Variants in N4BP1 observed in about 807,000 individuals in gnomAD.
The protein encoded by N4BP1 is NEDD4-binding protein 1.
N4BP1 carries 21 observed loss-of-function variants against 70.9 expected under a neutral mutation model. The observed-to-expected ratio is 0.30, with a 90% CI of 0.21 to 0.43. N4BP1 has a LOEUF of 0.43. N4BP1 is among the 20% of genes least tolerant of loss of function. The pLI, the probability that N4BP1 is intolerant of heterozygous loss-of-function variation, is 1.00. For missense variants in N4BP1, 936 were observed against 1,069.4 expected (o/e 0.88, Z 1.74); for synonymous variants, 387 against 394.6 (o/e 0.98, Z 0.23).
intron 1 of N4BP1, among the ~76,000 whole-genome samples, chr16:48,601,431 G>A (rs1964496504): frequency 1.3e-5 from 2 of 151,802 alleles, no homozygotes; most frequent in Admixed American, 1.3e-4. Context: ...GAATTTATGG[G>A]TACAACATCT....
At chr16:48,544,698 A>G (rs1963564564) in intron 6 of N4BP1, among the ~76,000 whole-genome samples, 1 of 152,250 alleles carries the variant, frequency 6.6e-6, no homozygotes, top group South Asian at 2.1e-4. Flanking sequence ...ATTTTCAGAT[A>G]AATATTGAAT....
At chr16:48,598,627 G>A (rs941512544) in intron 1 of N4BP1, among the ~76,000 whole-genome samples, 1 of 152,128 alleles carries the variant, frequency 6.6e-6, no homozygotes, top group Non-Finnish European at 1.5e-5. Flanking sequence ...GCCCCACATT[G>A]GAGAAATTTA....
intron 1 of N4BP1, among the ~76,000 whole-genome samples, chr16:48,602,828 T>C (rs980869974): frequency 6.3e-5 from 8 of 127,376 alleles, no homozygotes; most frequent in African/African-American, 2.5e-4. Flanking sequence ...AATAAATAAA[T>C]AAATAAAAGC....
At chr16:48,554,861 T>C (rs762288195) in intron 2 of N4BP1, among the ~76,000 whole-genome samples, 3 of 152,218 alleles carry the variant, frequency 2.0e-5, no homozygotes, top group Non-Finnish European at 1.5e-5. Context: ...CCCAAGGCCT[T>C]TGATTCTGCT....
chr16:48,588,484 G>T (rs935173137), intron 1 of N4BP1, among the ~76,000 whole-genome samples: 1 of 151,872 alleles, frequency 6.6e-6, no homozygotes, highest in Non-Finnish European at 1.5e-5. Flanking sequence ...TAGTAGAGAC[G>T]GGGTTTCACC....
Position 48,553,590 on chromosome 16 carries a change from T to A in N4BP1, c.1969A>T (p.Ile657Phe), listed in dbSNP as rs757343448. The A allele has an allele frequency of 6.2e-7, 1 of 1,608,912 alleles. No homozygotes were observed. Among genetic ancestry groups the A allele is most frequent in the South Asian group, 1.1e-5 (1 of 89,420 alleles). Residue 657 changes from isoleucine to phenylalanine, a missense_variant, in exon 3 of 7, where the codon ATC becomes TTC. Physicochemically the swap from Ile to Phe is conservative, Grantham distance 21. Transcript: ENST00000262384. ...CTCCACTGAGGGACAAATACAGTGA[T>A]GTTTCTGTTGCCAAGCTTCCAAAAA... The part of the protein sequence containing the change: ...EYFWKLGNRN[I>F]TVFVPQWRTR...
chr16:48,600,404 C>T (rs1391928017), intron 1 of N4BP1: 6 of 686,914 alleles, frequency 8.7e-6, no homozygotes, highest in Non-Finnish European at 1.6e-5. Flanking sequence ...CCATCAAATA[C>T]CAGTGAGAGC....
intron 1 of N4BP1, among the ~76,000 whole-genome samples, chr16:48,589,838 T>C (rs1003220001): frequency 1.3e-5 from 2 of 152,208 alleles, no homozygotes; most frequent in Admixed American, 1.3e-4. Context: ...GACTCCATCT[T>C]GTATCTAACC....
chr16:48,570,938 T>C (rs1287684636), intron 1 of N4BP1, among the ~76,000 whole-genome samples: 1 of 152,198 alleles, frequency 6.6e-6, no homozygotes, highest in Admixed American at 6.5e-5. Context: ...ATTACAGGTG[T>C]GTGCCACCTC....
intron 1 of N4BP1, among the ~76,000 whole-genome samples, chr16:48,594,149 G>A (rs931166083): frequency 6.6e-5 from 10 of 151,900 alleles, no homozygotes; most frequent in African/African-American, 2.4e-4. Context: ...TGCCTTTTAA[G>A]TAAACTACAA....
intron 1 of N4BP1, among the ~76,000 whole-genome samples, chr16:48,585,005 C>G (rs1474422657): frequency 1.3e-5 from 2 of 152,152 alleles, no homozygotes; most frequent in African/African-American, 4.8e-5. Context: ...GATTTCGGCT[C>G]ACTGCAACCT....
chr16:48,582,575 T>A (rs1194310827), intron 1 of N4BP1, among the ~76,000 whole-genome samples: 1 of 152,228 alleles, frequency 6.6e-6, no homozygotes, highest in Non-Finnish European at 1.5e-5. Flanking sequence ...CTCCACTTAA[T>A]AAGAAACTAA....
At chr16:48,608,952 C>T (rs1964629688) in intron 1 of N4BP1, among the ~76,000 whole-genome samples, 1 of 151,496 alleles carries the variant, frequency 6.6e-6, no homozygotes, top group Non-Finnish European at 1.5e-5. Context: ...GGGTGGCTCC[C>T]GCGTGTAGTC....
At chr16:48,564,183 C>T (rs1963904360) in intron 1 of N4BP1, among the ~76,000 whole-genome samples, 1 of 152,022 alleles carries the variant, frequency 6.6e-6, no homozygotes, top group Admixed American at 6.5e-5. Context: ...GTTTGTCTTC[C>T]CATCCTCTTA....
intron 1 of N4BP1, among the ~76,000 whole-genome samples, chr16:48,607,663 G>A (rs1255046647): frequency 6.6e-6 from 1 of 152,206 alleles, no homozygotes; most frequent in African/African-American, 2.4e-5. Context: ...ATGAATGCAC[G>A]TAAGAGATTT....
In N4BP1 at chr16:48,540,856, A is replaced by G. The variant is rs1355103386; in HGVS notation, c.*2048T>C. ...ATGGTTTGATAATTTGGGTTTTTAAATATTAAATATTAAATATCAGGGGTT... is the reference window on the plus strand; with the variant it reads ...ATGGTTTGATAATTTGGGTTTTTAAGTATTAAATATTAAATATCAGGGGTT... On this transcript the variant is annotated 3_prime_UTR_variant, in exon 7 of 7. Coordinates refer to ENST00000262384, the MANE Select transcript of N4BP1 (RefSeq NM_153029.4). 1 of 152,200 alleles carries G rather than the reference A, an allele frequency of 6.6e-6. No individual in the cohort carries two copies. The highest frequency in any genetic ancestry group is 2.4e-5 in the African/African-American group (1 of 41,442). The allele number at this position is 152,200 out of a possible 1,614,324, so 9.4% of individuals were successfully genotyped here. A position where few individuals can be genotyped will look rare whatever the true frequency, so the allele number is the denominator to read the frequency against.
chr16:48,589,843 C>T (rs1447805198), intron 1 of N4BP1, among the ~76,000 whole-genome samples: 2 of 152,218 alleles, frequency 1.3e-5, no homozygotes, highest in South Asian at 2.1e-4. Context: ...CATCTTGTAT[C>T]TAACCTTTGG....
At chr16:48,589,798 T>G (rs1964306020) in intron 1 of N4BP1, among the ~76,000 whole-genome samples, 1 of 152,174 alleles carries the variant, frequency 6.6e-6, no homozygotes, top group Non-Finnish European at 1.5e-5. Flanking sequence ...ACTGAGGAAA[T>G]TATGACAGTG....
At chr16:48,586,119 A>G (rs1022523127) in intron 1 of N4BP1, among the ~76,000 whole-genome samples, 2 of 152,220 alleles carry the variant, frequency 1.3e-5, no homozygotes, top group African/African-American at 4.8e-5. Flanking sequence ...TCTTTAGAAT[A>G]TGTGATTAAT....
Sources: allele counts gnomAD v4.1 joint callset (sites outside exome capture counted in the v4.1 genomes callset), GRCh38; gene constraint gnomAD v4.1.1; transcripts MANE v1.5; gene names NCBI Gene and HGNC (gene_info 2026-07-23, HGNC 2026-07-21).